The following CTNNA3 variants were observed in gnomAD, a reference collection of about 807,000 sequenced individuals.
The protein encoded by CTNNA3 is catenin alpha 3.
Under a neutral mutation model 95.7 loss-of-function variants are expected in CTNNA3, and 76 were observed. The ratio of observed to expected loss-of-function variants is 0.79; its 90% CI spans 0.66 to 0.96. The LOEUF is 0.96. Ranked by LOEUF, CTNNA3 falls within the 40% of genes least tolerant of loss-of-function variation. The pLI is 0.00. For synonymous variants in CTNNA3, 431 were observed against 374.4 expected, an observed-to-expected ratio of 1.15 and a Z score of -1.74; for missense variants, 1,191 against 1,089.8, an observed-to-expected ratio of 1.09 and a Z score of -1.31.
chr10:67,423,696 G>A lies in CTNNA3; in HGVS notation c.579+98146C>T, dbSNP rs1033242129. ...TCAACAACACAATAGTAATACATGA[G>A]ACAAAGTTAACATTATTGATGATTG... On this transcript the variant is annotated intron_variant, in intron 5 of 17. Coordinates refer to ENST00000433211, the MANE Select transcript of CTNNA3 (RefSeq NM_013266.4). Among the ~76,000 whole-genome samples the A allele has an allele frequency of 4.6e-5, 7 of 152,016 alleles. No individual in the cohort carries two copies. The South Asian group carries it at 1.5e-3, about 32-fold the overall frequency.
intron 7 of CTNNA3, among the ~76,000 whole-genome samples, chr10:67,158,365 G>A (rs543196498): frequency 2.0e-5 from 3 of 152,146 alleles, no homozygotes; most frequent in Non-Finnish European, 2.9e-5. Context: ...GAATCATACG[G>A]TTGCAAGCTG....
chr10:66,813,758 T>A (rs4598555), intron 7 of CTNNA3, among the ~76,000 whole-genome samples: 129,716 of 152,090 alleles, frequency 0.85, 55,869 homozygotes, highest in East Asian at 1. Context: ...ATCACCTTTT[T>A]AAAGATTCTA....
At chr10:67,001,443 G>C (rs1448283303) in intron 7 of CTNNA3, among the ~76,000 whole-genome samples, 2 of 151,840 alleles carry the variant, frequency 1.3e-5, no homozygotes, top group Non-Finnish European at 2.9e-5. Context: ...AGGAGCTGAA[G>C]ACAGGGGTGG....
intron 1 of CTNNA3, among the ~76,000 whole-genome samples, chr10:67,692,191 G>T (rs979761520): frequency 6.6e-6 from 1 of 151,044 alleles, no homozygotes. Context: ...CGCCCCTACT[G>T]GGAAGTGAGG....
At chr10:66,203,310 G>A (rs1440030057) in intron 13 of CTNNA3, among the ~76,000 whole-genome samples, 1 of 152,094 alleles carries the variant, frequency 6.6e-6, no homozygotes. Flanking sequence ...ATTATAAAAT[G>A]AGCAAGATTG....
intron 1 of CTNNA3, among the ~76,000 whole-genome samples, chr10:67,649,744 A>G (rs1223535192): frequency 1.3e-5 from 2 of 152,236 alleles, no homozygotes; most frequent in East Asian, 3.8e-4. Context: ...CAAAGTCAAA[A>G]TCTGACAAAT....
intron 1 of CTNNA3, among the ~76,000 whole-genome samples, chr10:67,741,260 G>A (rs1241967454): frequency 1.4e-5 from 2 of 145,948 alleles, no homozygotes; most frequent in Non-Finnish European, 3.0e-5. Flanking sequence ...GTATACCTAT[G>A]TAACTAACCT....
At chr10:66,435,136 G>C (rs989179605) in intron 11 of CTNNA3, among the ~76,000 whole-genome samples, 1 of 151,948 alleles carries the variant, frequency 6.6e-6, no homozygotes, top group Non-Finnish European at 1.5e-5. Context: ...GCCAGGTTTT[G>C]GTATCAGGAT....
chr10:66,889,536 A>C (rs1735611124), intron 7 of CTNNA3, among the ~76,000 whole-genome samples: 1 of 152,210 alleles, frequency 6.6e-6, no homozygotes, highest in African/African-American at 2.4e-5. Flanking sequence ...AATCTAAAAA[A>C]TAAAGTCTAT....
intron 1 of CTNNA3, among the ~76,000 whole-genome samples, chr10:67,728,263 G>C (rs538962740): frequency 6.7e-6 from 1 of 148,786 alleles, no homozygotes; most frequent in Non-Finnish European, 1.5e-5. Context: ...AGACCAGCCT[G>C]GCCAACATGG....
intron 13 of CTNNA3, among the ~76,000 whole-genome samples, chr10:66,279,741 C>A (rs999975682): frequency 6.6e-6 from 1 of 152,066 alleles, no homozygotes; most frequent in Non-Finnish European, 1.5e-5. Flanking sequence ...TAACACAAAT[C>A]CTTACTTCAG....
intron 5 of CTNNA3, among the ~76,000 whole-genome samples, chr10:67,237,419 T>C (rs964466674): frequency 1.3e-5 from 2 of 151,240 alleles, no homozygotes; most frequent in African/African-American, 4.9e-5. Context: ...TAAAAGACTA[T>C]AAATATGGCG....
At chr10:67,739,416 T>G (rs1422396547) in intron 1 of CTNNA3, among the ~76,000 whole-genome samples, 1 of 152,154 alleles carries the variant, frequency 6.6e-6, no homozygotes. Flanking sequence ...CCCCATTGTC[T>G]CAGCCCAAAA....
At chr10:66,266,986 A>T (rs2091173996) in intron 13 of CTNNA3, among the ~76,000 whole-genome samples, 1 of 151,794 alleles carries the variant, frequency 6.6e-6, no homozygotes, top group African/African-American at 2.4e-5. Context: ...ATTGTAAGAG[A>T]TTGTTTGTCA....
At chr10:66,147,578 G>T (rs993266009) in intron 13 of CTNNA3, among the ~76,000 whole-genome samples, 2 of 145,988 alleles carry the variant, frequency 1.4e-5, no homozygotes, top group Non-Finnish European at 3.0e-5. Context: ...ATTTCAGACA[G>T]CCTTTTGAGG....
At chr10:67,348,930 C>T (rs1842535122) in intron 5 of CTNNA3, among the ~76,000 whole-genome samples, 1 of 152,140 alleles carries the variant, frequency 6.6e-6, no homozygotes. Flanking sequence ...CTTGAACAGA[C>T]TATGTCACAG....
At chr10:66,687,724 CACACACACAT>C (rs1847351381) in intron 9 of CTNNA3, among the ~76,000 whole-genome samples, 5 of 109,294 alleles carry the variant, frequency 4.6e-5, no homozygotes. Context: ...TATATACACA[CACACACACAT>C]ACACACACAC....
chr10:67,379,451 T>C (rs951550657), intron 5 of CTNNA3, among the ~76,000 whole-genome samples: 4 of 152,194 alleles, frequency 2.6e-5, no homozygotes, highest in Admixed American at 1.3e-4. Flanking sequence ...AAGATATTAA[T>C]ATAGTTAAAT....
chr10:66,383,694 G>C (rs1241661180), intron 11 of CTNNA3, among the ~76,000 whole-genome samples: 2 of 152,202 alleles, frequency 1.3e-5, no homozygotes, highest in African/African-American at 2.4e-5. Context: ...GGCAGCCAGA[G>C]AGAAAGGTTG....
Sources: allele counts gnomAD v4.1 joint callset (sites outside exome capture counted in the v4.1 genomes callset), GRCh38; gene constraint gnomAD v4.1.1; transcripts MANE v1.5; gene names NCBI Gene and HGNC (gene_info 2026-07-23, HGNC 2026-07-21).